The following GPR39 variants were observed in gnomAD, a reference collection of about 807,000 sequenced individuals.
The protein encoded by GPR39 is G protein-coupled receptor 39.
In GPR39, 23 loss-of-function variants were observed where a neutral mutation model predicts 18.4. The observed-to-expected ratio is 1.25, with a 90% CI of 0.90 to 1.77. The LOEUF is 1.77. Ranked by LOEUF, GPR39 falls within the 40% of genes most tolerant of loss-of-function variation. The pLI, the probability that GPR39 is intolerant of heterozygous loss-of-function variation, is 0.00. For missense variants in GPR39, 647 were observed against 602.4 expected (o/e 1.07, Z -0.78); for synonymous variants, 280 against 257.9 (o/e 1.09, Z -0.82).
At chr2:132,509,511 T>C (rs1351181403) in intron 1 of GPR39, among the ~76,000 whole-genome samples, 2 of 152,160 alleles carry the variant, frequency 1.3e-5, no homozygotes, top group Non-Finnish European at 2.9e-5. Context: ...TTAGGAGCTA[T>C]GAATACATTC....
chr2:132,590,332 G>A (rs895861974), intron 1 of GPR39, among the ~76,000 whole-genome samples: 4 of 152,134 alleles, frequency 2.6e-5, no homozygotes, highest in African/African-American at 4.8e-5. Context: ...CAGTGAGGTT[G>A]AAGATACACA....
chr2:132,427,465 T>C (rs1442933305), intron 1 of GPR39, among the ~76,000 whole-genome samples: 1 of 150,754 alleles, frequency 6.6e-6, no homozygotes, highest in Admixed American at 6.6e-5. Flanking sequence ...CTGGCCTGAC[T>C]TTACATATTC....
chr2:132,472,426 A>G (rs982960076), intron 1 of GPR39, among the ~76,000 whole-genome samples: 15 of 152,126 alleles, frequency 9.9e-5, no homozygotes, highest in African/African-American at 3.6e-4. Flanking sequence ...TGTTTCCCTG[A>G]ATACAAAGTG....
At chr2:132,495,611 G>A (rs1234998463) in intron 1 of GPR39, among the ~76,000 whole-genome samples, 1 of 152,174 alleles carries the variant, frequency 6.6e-6, no homozygotes, top group African/African-American at 2.4e-5. Flanking sequence ...GGTGCACAGA[G>A]CATCCCTTCC....
chr2:132,451,384 A>T (rs1680630918), intron 1 of GPR39, among the ~76,000 whole-genome samples: 1 of 152,186 alleles, frequency 6.6e-6, no homozygotes, highest in Non-Finnish European at 1.5e-5. Context: ...AAGCTCTTTG[A>T]AGGCAGAGTC....
intron 1 of GPR39, among the ~76,000 whole-genome samples, chr2:132,505,328 A>T (rs757236897): frequency 6.6e-6 from 1 of 152,160 alleles, no homozygotes; most frequent in Non-Finnish European, 1.5e-5. Flanking sequence ...GCATGCATAG[A>T]ATGTGTAGTG....
intron 1 of GPR39, among the ~76,000 whole-genome samples, chr2:132,506,694 C>T (rs1224485386): frequency 6.6e-6 from 1 of 152,126 alleles, no homozygotes; most frequent in Non-Finnish European, 1.5e-5. Context: ...CTCACTATCA[C>T]AAGAACAGCA....
At chr2:132,496,835 G>A (rs774202953) in intron 1 of GPR39, among the ~76,000 whole-genome samples, 5 of 152,188 alleles carry the variant, frequency 3.3e-5, no homozygotes, top group South Asian at 4.1e-4. Context: ...TTGATGCATC[G>A]GATTAGGGAG....
Position 132,626,896 on chromosome 2 carries a change from C to T in GPR39, c.857-18205C>T, listed in dbSNP as rs76218112. Among the ~76,000 whole-genome samples the T allele has an allele frequency of 5.8e-3, 888 of 152,260 alleles. 23 individuals carry two copies. The highest frequency in any genetic ancestry group is 0.042 in the Admixed American group (649 of 15,290). ...TAATTGAAAAGCCTATAGGTAGATC[C>T]TATTTTAGGATTGTAGGATCCAGGC... On this transcript the variant is annotated intron_variant, in intron 1 of 1. Transcript: ENST00000329321.
At chr2:132,487,679 G>T (rs942800815) in intron 1 of GPR39, among the ~76,000 whole-genome samples, 4 of 152,126 alleles carry the variant, frequency 2.6e-5, no homozygotes, top group Non-Finnish European at 5.9e-5. Context: ...CAGCCAATTA[G>T]ACCTAGCTTT....
At chr2:132,464,029 TCA>T (rs1303930843) in intron 1 of GPR39, among the ~76,000 whole-genome samples, 2 of 152,206 alleles carry the variant, frequency 1.3e-5, no homozygotes, top group Non-Finnish European at 2.9e-5. Flanking sequence ...GTTCTGAAAC[TCA>T]CACAGTGTCA....
intron 1 of GPR39, among the ~76,000 whole-genome samples, chr2:132,522,905 G>A (rs537979730): frequency 1.9e-4 from 29 of 152,348 alleles, no homozygotes; most frequent in African/African-American, 6.5e-4. Flanking sequence ...CTTAATGCCT[G>A]AAAACTGCCT....
At chr2:132,588,374 G>A (rs558611175) in intron 1 of GPR39, among the ~76,000 whole-genome samples, 2 of 152,162 alleles carry the variant, frequency 1.3e-5, no homozygotes, top group Non-Finnish European at 2.9e-5. Flanking sequence ...ACACTTACTG[G>A]TTTAAACCAC....
chr2:132,562,133 T>A (rs1680265033), intron 1 of GPR39, among the ~76,000 whole-genome samples: 1 of 151,986 alleles, frequency 6.6e-6, no homozygotes, highest in Non-Finnish European at 1.5e-5. Flanking sequence ...TTCAAATTTC[T>A]GAGGGTGAGG....
At position 132,646,245 on chromosome 2, in the gene GPR39, C is replaced by A; in HGVS notation, c.*639C>A. 6.3e-7 allele frequency: 1 copy of A among 1,576,904 alleles called. No individual in the cohort carries two copies. Among genetic ancestry groups the A allele is most frequent in the South Asian group, 1.2e-5 (1 of 85,300 alleles). ...TACCCGGCAGAGGCGATGAGACAGG[C>A]CGCTGATGATGCACAGGACTTGCGG... On this transcript the variant is annotated 3_prime_UTR_variant, in exon 2 of 2. Coordinates refer to ENST00000329321, the MANE Select transcript of GPR39 (RefSeq NM_001508.3).
At chr2:132,428,071 A>AAGC (rs1680161160) in intron 1 of GPR39, among the ~76,000 whole-genome samples, 1 of 151,582 alleles carries the variant, frequency 6.6e-6, no homozygotes, top group Non-Finnish European at 1.5e-5. Context: ...TTGGTGATTG[A>AAGC]AGCTTGCTGT....
rs538234964 is a variant in GPR39 at position 132,613,114 on chromosome 2, A to G, written c.857-31987A>G. ...TGTGTTCAGGGACTTTGCTAAATTCACATTAATTTCAACAGTTTTTCCATA... is the reference window on the plus strand; with the variant it reads ...TGTGTTCAGGGACTTTGCTAAATTCGCATTAATTTCAACAGTTTTTCCATA... On this transcript the variant is annotated intron_variant, in intron 1 of 1. Transcript: ENST00000329321. 1.5e-3 allele frequency among the ~76,000 whole-genome samples: 232 copies of G among 152,326 alleles called. 1 individual carries two copies. The highest frequency in any genetic ancestry group is 5.1e-3 in the African/African-American group (211 of 41,572).
intron 1 of GPR39, among the ~76,000 whole-genome samples, chr2:132,552,093 T>C (rs771118211): frequency 1.3e-5 from 2 of 152,200 alleles, no homozygotes; most frequent in African/African-American, 2.4e-5. Flanking sequence ...AAAATATATC[T>C]ATACTGAATA....
intron 1 of GPR39, among the ~76,000 whole-genome samples, chr2:132,425,069 T>C (rs1271157022): frequency 6.6e-6 from 1 of 152,216 alleles, no homozygotes; most frequent in Non-Finnish European, 1.5e-5. Context: ...TATTGCTCAA[T>C]GGTCTATTCG....
Sources: gnomAD v4.1 joint callset for allele counts (sites outside exome capture counted in the v4.1 genomes callset) on GRCh38, gnomAD v4.1.1 for gene constraint, MANE v1.5 for transcripts, NCBI Gene and HGNC (gene_info 2026-07-23, HGNC 2026-07-21) for gene names.